CASP5: variants seen among roughly 807,000 people sequenced by gnomAD.
CASP5 encodes caspase-5.
Under a neutral mutation model 45.2 loss-of-function variants are expected in CASP5, and 42 were observed. That is an observed-to-expected ratio of 0.93 (90% confidence interval 0.73 to 1.20). The LOEUF (loss-of-function observed/expected upper bound fraction) is 1.20. CASP5 is among the 50% of genes most tolerant of loss of function. CASP5 has a pLI of 0.00. For synonymous variants in CASP5, 209 were observed against 186.2 expected (o/e 1.12, Z -1.00); for missense variants, 512 against 532.2 (o/e 0.96, Z 0.37).
intron 9 of CASP5, 134 bp downstream of exon 9, chr11:104,995,606 A>G (rs1434595081): frequency 5.6e-6 from 3 of 539,050 alleles, no homozygotes; most frequent in Non-Finnish European, 1.0e-5. Flanking sequence ...AAGAGCAAAT[A>G]AATACTCACC....
chr11:105,017,459 A>G (rs1408011182), intron 1 of CASP5, among the ~76,000 whole-genome samples: 5 of 152,052 alleles, frequency 3.3e-5, no homozygotes, highest in Non-Finnish European at 7.4e-5. Flanking sequence ...AGAAGTGCTT[A>G]AAGGAGCTGA....
chr11:105,007,697 C>T (rs1306266688), intron 2 of CASP5, among the ~76,000 whole-genome samples: 1 of 152,088 alleles, frequency 6.6e-6, no homozygotes, highest in East Asian at 1.9e-4. Flanking sequence ...CAGGACAGTC[C>T]ATGCTCTTGT....
intron 3 of CASP5, among the ~76,000 whole-genome samples, chr11:105,005,821 C>T (rs372871703): frequency 5.3e-5 from 8 of 152,132 alleles, no homozygotes; most frequent in East Asian, 1.9e-4. Flanking sequence ...TTTTAAAAAC[C>T]GATATTTTTT....
intron 6 of CASP5, among the ~76,000 whole-genome samples, 167 bp from the exon 7 acceptor site, chr11:104,999,195 C>T (rs531636004): frequency 1.6e-4 from 25 of 152,250 alleles, no homozygotes; most frequent in Non-Finnish European, 3.1e-4. Flanking sequence ...TTAAGGCTCT[C>T]CTTCCCCTTG....
rs1176093793 is a variant in CASP5 at position 105,016,589 on chromosome 11, C to T, written c.7+6541G>A. 4.0e-5 allele frequency among the ~76,000 whole-genome samples: 6 copies of T among 151,718 alleles called. 1 individual carries two copies. The East Asian group carries it at 7.7e-4, about 20-fold the overall frequency. ...TCGGGTCACTTCCACCCGAATACTG[C>T]GCTTTTCCAACCGGCTTAAAAAATG... On this transcript the variant is annotated intron_variant, in intron 1 of 9. Coordinates refer to ENST00000260315, the MANE Select transcript of CASP5 (RefSeq NM_004347.5).
At chr11:105,012,617 A>AT (rs1237489789) in intron 1 of CASP5, among the ~76,000 whole-genome samples, 1 of 151,768 alleles carries the variant, frequency 6.6e-6, no homozygotes, top group African/African-American at 2.4e-5. Context: ...CAAAATAGAC[A>AT]TTTTTCAAAG....
rs1473117397 is a variant in CASP5, at chr11:104,997,379, T to A, written c.1206+4A>T. The A allele has an allele frequency of 1.3e-6, 2 of 1,570,066 alleles. No individual in the cohort carries two copies. The highest frequency in any genetic ancestry group is 1.8e-6 in the Non-Finnish European group (2 of 1,140,232). On this transcript the variant is annotated splice_donor_region_variant and intron_variant, in intron 8 of 9. Transcript: ENST00000260315. ...AATGACTAGAAAAGGAAATGGAAGC[T>A]TACCTTCCGAAATATTTCCATTAGG... is the stretch of plus-strand genomic sequence containing the variant.
intron 6 of CASP5, 64 bp from the exon 7 acceptor site, chr11:104,999,092 A>C: frequency 1.4e-6 from 2 of 1,435,096 alleles, no homozygotes; most frequent in Non-Finnish European, 1.9e-6. Flanking sequence ...GAAATGCAGA[A>C]CGTGTAGGTT....
chr11:105,008,738 T>C (rs1862125665), intron 2 of CASP5, 69 bp downstream of exon 2: 2 of 1,087,768 alleles, frequency 1.8e-6, no homozygotes, highest in Non-Finnish European at 2.8e-6. Flanking sequence ...CAGAAGTCAC[T>C]GCATGGGACT....
rs1249901937 is a variant in CASP5, at chr11:105,007,293, G to A, written c.223C>T (p.Leu75=). Residue 75 remains leucine (L), a synonymous_variant, in exon 3 of 10, where the codon CTG becomes TTG. Transcript: ENST00000260315. ...KKKTVKMLEY[L]GKDVLHGVFN... ...ACACCATGAAGAACATCTTTGCCCA[G>A]GTATTCCAACATCTTAACTGTTTTT... 6.2e-7 allele frequency: 1 copy of A among 1,607,686 alleles called. No homozygotes were observed. Among genetic ancestry groups the A allele is most frequent in the Admixed American group, 1.7e-5 (1 of 59,778 alleles).
chr11:104,995,195 G>C (rs1415182247), intron 9 of CASP5: 1 of 152,282 alleles, frequency 6.6e-6, no homozygotes, highest in Non-Finnish European at 1.5e-5. Context: ...TCACCTTTCA[G>C]ATTGTCTGTG....
At chr11:105,009,754 T>C (rs377601087) in intron 1 of CASP5, among the ~76,000 whole-genome samples, 1,692 of 76,336 alleles carry the variant, frequency 0.022, 71 homozygotes, top group African/African-American at 0.044. Flanking sequence ...TATATATATA[T>C]ATATACACAC....
chr11:105,006,829 C>T (rs894799906), intron 3 of CASP5, among the ~76,000 whole-genome samples: 3 of 152,156 alleles, frequency 2.0e-5, no homozygotes, highest in African/African-American at 7.2e-5. Context: ...TTAGGTATCT[C>T]CTACTAAAAA....
At position 105,021,584 on chromosome 11, in the gene CASP5, GA is replaced by G. The variant is rs1280462468; in HGVS notation, c.7+1545del. On this transcript the variant is annotated intron_variant, in intron 1 of 9. Transcript: ENST00000260315. ...GTGCTCACCATCACTGGCCATCAGA[GA>G]AATGCAAATCAAAACCACAATGAGA... Among the ~76,000 whole-genome samples, 3 of 149,842 alleles carry G rather than the reference GA, an allele frequency of 2.0e-5. No individual in the cohort carries two copies. The East Asian group carries it at 5.8e-4, about 29-fold the overall frequency.
chr11:105,019,517 A>G (rs1251151899), intron 1 of CASP5, among the ~76,000 whole-genome samples: 2 of 151,342 alleles, frequency 1.3e-5, no homozygotes, highest in Admixed American at 1.3e-4. Flanking sequence ...ATCAGAGAAT[A>G]CTACAAACAC....
intron 1 of CASP5, among the ~76,000 whole-genome samples, chr11:105,009,704 GATATATATATACACACATATATAT>G (rs1862174928): frequency 1.0e-5 from 1 of 98,480 alleles, no homozygotes; most frequent in African/African-American, 3.8e-5. Flanking sequence ...TTTACCAGGA[GATATATATATACACACATATATAT>G]ATATATATAT....
At chr11:104,995,611 C>T (rs1591148513) in intron 9 of CASP5, 129 bp downstream of exon 9, 9 of 542,372 alleles carry the variant, frequency 1.7e-5, no homozygotes, top group East Asian at 1.2e-4. Context: ...CAAATAAATA[C>T]TCACCAGACT....
At chr11:105,009,770 C>CACAT (rs1491178677) in intron 1 of CASP5, among the ~76,000 whole-genome samples, 3 of 42,958 alleles carry the variant, frequency 7.0e-5, no homozygotes, top group Admixed American at 2.3e-4. Context: ...CACACACACA[C>CACAT]GTATATATAT....
At chr11:105,010,620 T>C (rs1237890844) in intron 1 of CASP5, among the ~76,000 whole-genome samples, 1 of 151,284 alleles carries the variant, frequency 6.6e-6, no homozygotes, top group Non-Finnish European at 1.5e-5. Context: ...ACCAGTAGAA[T>C]ATTTATTATT....
Sources: gnomAD v4.1 joint callset for allele counts (sites outside exome capture counted in the v4.1 genomes callset) on GRCh38, gnomAD v4.1.1 for gene constraint, MANE v1.5 for transcripts, NCBI Gene and HGNC (gene_info 2026-07-23, HGNC 2026-07-21) for gene names.